The following AGAP1 variants were observed in gnomAD, a reference collection of about 807,000 sequenced individuals.
AGAP1 encodes arf-GAP with GTPase, ANK repeat and PH domain-containing protein 1.
Under a neutral mutation model 105.3 loss-of-function variants are expected in AGAP1, and 29 were observed. The ratio of observed to expected loss-of-function variants is 0.28; its 90% CI spans 0.21 to 0.38. AGAP1 has a LOEUF of 0.38. Among genes scored for constraint, AGAP1 ranks in the 10% least tolerant of loss-of-function variants. AGAP1 has a pLI of 1.00. For synonymous variants in AGAP1, 509 were observed against 485.9 expected (o/e 1.05, Z -0.63); for missense variants, 998 against 1,165.1 (o/e 0.86, Z 2.09).
At chr2:235,969,160 CATT>C (rs2054532773) in intron 13 of AGAP1, among the ~76,000 whole-genome samples, 1 of 152,184 alleles carries the variant, frequency 6.6e-6, no homozygotes, top group Non-Finnish European at 1.5e-5. Context: ...TGTCACAGCT[CATT>C]GTGAGTCTCC....
rs141656186 is a variant in AGAP1, at chr2:235,613,481, T to C, written c.164-95698T>C. Among the ~76,000 whole-genome samples, 70 of 152,342 alleles carry C rather than the reference T, an allele frequency of 4.6e-4. 1 individual carries two copies. The East Asian group carries it at 0.011, about 25-fold the overall frequency. ...TTCCTTCCTTCAATGAGAAGACTTATATCTTTTTGAGCAGAAACTGTGGAT... is the reference window on the plus strand; with the variant it reads ...TTCCTTCCTTCAATGAGAAGACTTACATCTTTTTGAGCAGAAACTGTGGAT... On this transcript the variant is annotated intron_variant, in intron 1 of 17. Coordinates refer to ENST00000304032, the MANE Select transcript of AGAP1 (RefSeq NM_001037131.3).
rs1438380750 is a variant in AGAP1, at chr2:235,845,877, T to C, written c.1051-37468T>C. Among the ~76,000 whole-genome samples, 1 of 152,062 alleles carries C rather than the reference T, an allele frequency of 6.6e-6. No homozygotes were observed. The highest frequency in any genetic ancestry group is 1.5e-5 in the Non-Finnish European group (1 of 68,006). On this transcript the variant is annotated intron_variant, in intron 9 of 17. Transcript: ENST00000304032. This position sits in a 1 kb window ranked among gnomAD's most constrained non-coding sequence, Gnocchi z 4.8. ...TGGGCCTCCTCACTGGTTTCCAACC[T>C]TCAGTCTGTAGCCCTCAGATATGCC...
intron 16 of AGAP1, among the ~76,000 whole-genome samples, chr2:236,084,791 C>G (rs1451780904): frequency 5.3e-5 from 8 of 151,880 alleles, no homozygotes; most frequent in Admixed American, 4.6e-4. Context: ...GTAGTCCCAG[C>G]TATTCGGGAG....
In AGAP1 at chr2:236,038,960, CAG is replaced by C. The variant is rs1416217802; in HGVS notation, c.1801-1790_1801-1789del. ...TCAATAACGCATGATGCTAATTAGA[CAG>C]TAGTGATTAATACATTATAATTTAT... On this transcript the variant is annotated intron_variant, in intron 14 of 17. Coordinates refer to ENST00000304032, the MANE Select transcript of AGAP1 (RefSeq NM_001037131.3). The surrounding 1 kb of genome is among the most constrained non-coding windows in gnomAD (Gnocchi z 4.5). Among the ~76,000 whole-genome samples the C allele has an allele frequency of 1.3e-5, 2 of 152,122 alleles. No homozygotes were observed. The highest frequency in any genetic ancestry group is 2.4e-5 in the African/African-American group (1 of 41,420).
At chr2:235,950,688 G>A (rs1020339977) in intron 12 of AGAP1, among the ~76,000 whole-genome samples, 2 of 152,144 alleles carry the variant, frequency 1.3e-5, no homozygotes, top group Non-Finnish European at 2.9e-5. Context: ...AGCCACAGGA[G>A]GTCAGGGTTT....
chr2:235,584,733 A>G (rs1222525556), intron 1 of AGAP1, among the ~76,000 whole-genome samples: 1 of 151,658 alleles, frequency 6.6e-6, no homozygotes, highest in African/African-American at 2.4e-5. Context: ...GTGGTACTTG[A>G]TTACAGCAGT....
rs1420101097 is a variant in AGAP1 at position 236,014,105 on chromosome 2, C to T, written c.1646-22456C>T. 6.6e-6 allele frequency among the ~76,000 whole-genome samples: 1 copy of T among 152,114 alleles called. No homozygotes were observed. The highest frequency in any genetic ancestry group is 2.4e-5 in the African/African-American group (1 of 41,400). On this transcript the variant is annotated intron_variant, in intron 13 of 17. Coordinates refer to ENST00000304032, the MANE Select transcript of AGAP1 (RefSeq NM_001037131.3). The surrounding 1 kb of genome is among the most constrained non-coding windows in gnomAD (Gnocchi z 6.3). ...TCTTCCGAACCCAGCGTCCCACTGT[C>T]GGTGACTTGGCGTTTTGTCCTTTCT... is the stretch of plus-strand genomic sequence containing the variant.
At chr2:235,526,426 C>A (rs1037033238) in intron 1 of AGAP1, among the ~76,000 whole-genome samples, 1 of 152,174 alleles carries the variant, frequency 6.6e-6, no homozygotes, top group Non-Finnish European at 1.5e-5. Flanking sequence ...CTGTCTCTTC[C>A]GATGACTTCC....
rs1460442831 is a variant in AGAP1 at position 235,719,999 on chromosome 2, C to A, written c.310+2355C>A. ...ACCAAGCAGGTGGCCACTGTCTTTG[C>A]CCCTCTTAATGAGACCAGGGAATGG... is the stretch of plus-strand genomic sequence containing the variant. On this transcript the variant is annotated intron_variant, in intron 3 of 17. Transcript: ENST00000304032. The surrounding 1 kb of genome is among the most constrained non-coding windows in gnomAD (Gnocchi z 4.9). Among the ~76,000 whole-genome samples the A allele has an allele frequency of 2.0e-5, 3 of 152,102 alleles. No individual in the cohort carries two copies. The highest frequency in any genetic ancestry group is 4.4e-5 in the Non-Finnish European group (3 of 68,016).
rs370479185 is a variant in AGAP1 at position 235,795,500 on chromosome 2, C to G, written c.674-2259C>G. ...CTCCTGAAGTCAGATACTTTTTGTT[C>G]TTCATTAAAGTTTTCCCTTATTCGT... On this transcript the variant is annotated intron_variant, in intron 6 of 17. Coordinates refer to ENST00000304032, the MANE Select transcript of AGAP1 (RefSeq NM_001037131.3). Among the ~76,000 whole-genome samples, 115 of 152,196 alleles carry G rather than the reference C, an allele frequency of 7.6e-4. 1 individual carries two copies. The highest frequency in any genetic ancestry group is 2.6e-3 in the African/African-American group (108 of 41,560).
At chr2:235,786,439 T>C (rs1370375757) in intron 6 of AGAP1, among the ~76,000 whole-genome samples, 1 of 152,246 alleles carries the variant, frequency 6.6e-6, no homozygotes, top group East Asian at 1.9e-4. Flanking sequence ...TTGCATATCT[T>C]TCTCCATTTC....
At position 235,741,752 on chromosome 2, in the gene AGAP1, T is replaced by C. The variant is rs987212007; in HGVS notation, c.396+704T>C. On this transcript the variant is annotated intron_variant, in intron 4 of 17. Coordinates refer to ENST00000304032, the MANE Select transcript of AGAP1 (RefSeq NM_001037131.3). The surrounding 1 kb of genome is among the most constrained non-coding windows in gnomAD (Gnocchi z 4.9). ...TATTATTATTATTGTTATTTTTTAT[T>C]ATTTATTTATTTTTTTTTTTTGAGA... Among the ~76,000 whole-genome samples, 1 of 150,210 alleles carries C rather than the reference T, an allele frequency of 6.7e-6. No homozygotes were observed. The highest frequency in any genetic ancestry group is 1.5e-5 in the Non-Finnish European group (1 of 67,802).
At chr2:236,111,718 G>C (rs574026211) in intron 16 of AGAP1, among the ~76,000 whole-genome samples, 3 of 151,672 alleles carry the variant, frequency 2.0e-5, no homozygotes, top group Non-Finnish European at 2.9e-5. Flanking sequence ...CTTGAGCCCA[G>C]GAGTTCGAGG....
At chr2:235,528,635 C>T (rs1427771687) in intron 1 of AGAP1, among the ~76,000 whole-genome samples, 1 of 152,106 alleles carries the variant, frequency 6.6e-6, no homozygotes, top group Non-Finnish European at 1.5e-5. Flanking sequence ...GGAGACCATA[C>T]CTCTCCAGCC....
rs2059840474 is a variant in AGAP1, at chr2:236,119,097, A to G, written c.2115-1095A>G. Among the ~76,000 whole-genome samples the G allele has an allele frequency of 6.6e-6, 1 of 152,064 alleles. No homozygotes were observed. Among genetic ancestry groups the G allele is most frequent in the South Asian group, 2.1e-4 (1 of 4,818 alleles). ...GGTCCCCATCCTCTGTAGACCCCCC[A>G]GGAGGAGACCATGTATTACACTGGC... On this transcript the variant is annotated intron_variant, in intron 16 of 17. Coordinates refer to ENST00000304032, the MANE Select transcript of AGAP1 (RefSeq NM_001037131.3). This position sits in a 1 kb window ranked among gnomAD's most constrained non-coding sequence, Gnocchi z 6.6.
intron 1 of AGAP1, among the ~76,000 whole-genome samples, chr2:235,495,480 C>G (rs911301730): frequency 1.3e-5 from 2 of 152,230 alleles, no homozygotes; most frequent in African/African-American, 4.8e-5. Flanking sequence ...AGAGGAAGAA[C>G]CCTACCAGGA....
chr2:235,837,237 G>A (rs550740655), intron 9 of AGAP1, among the ~76,000 whole-genome samples: 7 of 152,240 alleles, frequency 4.6e-5, no homozygotes, highest in Non-Finnish European at 7.4e-5. Context: ...CGCCCACCTC[G>A]GCCTCCCAAA....
intron 16 of AGAP1, among the ~76,000 whole-genome samples, chr2:236,084,457 G>A (rs1263491160): frequency 6.6e-6 from 1 of 152,186 alleles, no homozygotes; most frequent in African/African-American, 2.4e-5. Flanking sequence ...AATGCAAGGG[G>A]CTTCTGTGTA....
rs532977319 is a variant in AGAP1 at position 236,104,392 on chromosome 2, A to G, written c.2115-15800A>G. On this transcript the variant is annotated intron_variant, in intron 16 of 17. Coordinates refer to ENST00000304032, the MANE Select transcript of AGAP1 (RefSeq NM_001037131.3). This position sits in a 1 kb window ranked among gnomAD's most constrained non-coding sequence, Gnocchi z 4.7. ...TGCTCCTAGACAGGTGGAGACCTCA[A>G]TCCTGCAGCCTCATCAAATGACTCC... Among the ~76,000 whole-genome samples, 3 of 152,330 alleles carry G rather than the reference A, an allele frequency of 2.0e-5. No individual in the cohort carries two copies. Among genetic ancestry groups the G allele is most frequent in the East Asian group, 1.9e-4 (1 of 5,176 alleles).
Sources: gnomAD v4.1 joint callset for allele counts (sites outside exome capture counted in the v4.1 genomes callset) on GRCh38, gnomAD v4.1.1 for gene constraint, Gnocchi (gnomAD v3.1) non-coding constraint, MANE v1.5 for transcripts, NCBI Gene and HGNC (gene_info 2026-07-23, HGNC 2026-07-21) for gene names.